Variants in SLC25A27 observed in about 807,000 individuals in gnomAD.
SLC25A27 encodes mitochondrial uncoupling protein 4.
In SLC25A27, 35 loss-of-function variants were observed where a neutral mutation model predicts 49.1. The ratio of observed to expected loss-of-function variants is 0.71; its 90% confidence interval spans 0.54 to 0.95. The LOEUF is 0.95. Ranked by LOEUF, SLC25A27 falls within the 40% of genes least tolerant of loss-of-function variation. The probability of loss-of-function intolerance (pLI) is 0.00; values close to 1 mark genes in which losing one functional copy is unlikely to be tolerated. For missense variants in SLC25A27, 339 were observed against 397.1 expected (o/e 0.85, Z 1.24); for synonymous variants, 144 against 136.9 (o/e 1.05, Z -0.36).
intron 1 of SLC25A27, among the ~76,000 whole-genome samples, chr6:46,655,535 G>GGTTTTTTTTTTT (rs1562033662): frequency 2.8e-4 from 3 of 10,710 alleles, no homozygotes; most frequent in Non-Finnish European, 6.1e-4. Context: ...GTTAATGTTT[G>GGTTTTTTTTTTT]TTTTTTTTTT....
At chr6:46,672,194 G>A (rs1369116355) in intron 8 of SLC25A27, among the ~76,000 whole-genome samples, 1 of 152,100 alleles carries the variant, frequency 6.6e-6, no homozygotes, top group African/African-American at 2.4e-5. Flanking sequence ...GACTTAGCCA[G>A]GAAAGAGGGC....
intron 3 of SLC25A27, among the ~76,000 whole-genome samples, chr6:46,659,814 T>G (rs1235069489): frequency 6.6e-6 from 1 of 151,434 alleles, no homozygotes; most frequent in Admixed American, 6.6e-5. Context: ...GAGATTGCAC[T>G]GTTGCATTCC....
intron 6 of SLC25A27, 66 bp downstream of exon 6, chr6:46,668,859 T>C: frequency 1.1e-6 from 1 of 923,038 alleles, no homozygotes; most frequent in Non-Finnish European, 1.8e-6. Context: ...ATATTTGACA[T>C]AAATTCTTTA....
intron 1 of SLC25A27, chr6:46,653,680 C>A (rs762618735): frequency 4.9e-5 from 48 of 985,146 alleles, no homozygotes; most frequent in Non-Finnish European, 5.4e-5. Flanking sequence ...TCTTACACAG[C>A]CACACTGTCA....
At chr6:46,655,795 G>A (rs749768981) in intron 1 of SLC25A27, 48 bp from the exon 2 acceptor site, 7 of 1,536,566 alleles carry the variant, frequency 4.6e-6, no homozygotes, top group East Asian at 2.3e-5. Context: ...ATTTTTGTTT[G>A]TTTCTCTGAA....
chr6:46,658,173 C>T lies in SLC25A27; in HGVS notation c.299-789C>T, dbSNP rs377473292. ...TCAATTCTCCATATGAGTAAGTTAG[C>T]GTGTATCATCAAAAACTATCTAGAA... On this transcript the variant is annotated intron_variant, in intron 2 of 8. Coordinates refer to ENST00000371347, the MANE Select transcript of SLC25A27 (RefSeq NM_004277.5). Among the ~76,000 whole-genome samples the T allele has an allele frequency of 7.2e-5, 11 of 152,206 alleles. No homozygotes were observed. In the South Asian group the frequency reaches 1.9e-3, roughly 26 times the overall value.
rs1762965973 is a variant in SLC25A27, at chr6:46,655,991, A to G, written c.255A>G (p.Leu85=). 2.5e-6 allele frequency: 4 copies of G among 1,612,516 alleles called. No individual in the cohort carries two copies. In the African/African-American group the frequency reaches 5.3e-5, roughly 22 times the overall value. Residue 85 remains leucine (L), a synonymous_variant, in exon 2 of 9, where the codon CTA becomes CTG. Transcript: ENST00000371347. ...GGATCATTGAAGAGGAAGGCTTTCTAAAGCTTTGGCAAGGAGTGACACCCG... is the reference window on the plus strand; with the variant it reads ...GGATCATTGAAGAGGAAGGCTTTCTGAAGCTTTGGCAAGGAGTGACACCCG... ...ALGIIEEEGF[L]KLWQGVTPAI...
chr6:46,672,140 C>T (rs1763574619), intron 8 of SLC25A27, among the ~76,000 whole-genome samples: 1 of 152,076 alleles, frequency 6.6e-6, no homozygotes, highest in Non-Finnish European at 1.5e-5. Flanking sequence ...GAGTAAACCT[C>T]CCTGGAGAAT....
chr6:46,653,223 T>C lies in SLC25A27; in HGVS notation c.31T>C (p.Leu11=). The C allele has an allele frequency of 6.2e-7, 1 of 1,613,666 alleles. No individual in the cohort carries two copies. The highest frequency in any genetic ancestry group is 1.6e-4 in the Middle Eastern group (1 of 6,062). ...CGTCCCGGAGGAGGAGGAGAGGCTT[T>C]TGCCGCTGACCCAGAGATGGCCCCG... MSVPEEEERL[L]PLTQRWPRAS... is the part of the protein sequence containing the mutation. Residue 11 remains leucine (L), a synonymous_variant, in exon 1 of 9, where the codon TTG becomes CTG. Coordinates refer to ENST00000371347, the MANE Select transcript of SLC25A27 (RefSeq NM_004277.5).
At chr6:46,674,269 A>G (rs1021958527) in intron 8 of SLC25A27, among the ~76,000 whole-genome samples, 2 of 152,208 alleles carry the variant, frequency 1.3e-5, no homozygotes, top group African/African-American at 4.8e-5. Flanking sequence ...ACCTAGCAAA[A>G]CAAGCAGTAT....
At chr6:46,655,580 G>A (rs182376110) in intron 1 of SLC25A27, among the ~76,000 whole-genome samples, 86 of 85,078 alleles carry the variant, frequency 1.0e-3, no homozygotes, top group African/African-American at 3.1e-3. Context: ...TTTTGCTAGT[G>A]ATCCAGGATG....
In SLC25A27 at chr6:46,664,759, T is replaced by C. The variant is rs371496464; in HGVS notation, c.507-15T>C. On this transcript the variant is annotated splice_polypyrimidine_tract_variant and intron_variant, in intron 4 of 8. Transcript: ENST00000371347. ...AATACATGGAGTTTTCACATTTAAT[T>C]ATTATTCTCCTTAGATTTCGTGGTG... 14 of 1,462,718 alleles carry C rather than the reference T, an allele frequency of 9.6e-6. No homozygotes were observed. In the African/African-American group the frequency reaches 1.4e-4, roughly 15 times the overall value. 90.6% of individuals were successfully genotyped at this position (1,462,718 alleles called of 1,614,324 possible). A position where few individuals can be genotyped will look rare whatever the true frequency, so the allele number is the denominator to read the frequency against.
At chr6:46,667,519 A>G (rs547732386) in intron 5 of SLC25A27, among the ~76,000 whole-genome samples, 2 of 152,308 alleles carry the variant, frequency 1.3e-5, no homozygotes, top group South Asian at 4.1e-4. Flanking sequence ...TACTTCTTGC[A>G]TATTCTGCTG....
chr6:46,659,397 T>C (rs915952246), intron 3 of SLC25A27, among the ~76,000 whole-genome samples: 1 of 152,208 alleles, frequency 6.6e-6, no homozygotes, highest in Non-Finnish European at 1.5e-5. Context: ...CTGCTTCACC[T>C]TTTTTATCTT....
At chr6:46,671,680 G>A (rs1015256604) in intron 8 of SLC25A27, among the ~76,000 whole-genome samples, 4 of 151,924 alleles carry the variant, frequency 2.6e-5, no homozygotes, top group African/African-American at 9.7e-5. Flanking sequence ...TGCTTAGTAA[G>A]AAAATATTAT....
chr6:46,678,030 TTATATATATATATATATA>T lies in SLC25A27; in HGVS notation c.*1594_*1611del, dbSNP rs67622673. ...CAATATGTAATTGCGTTGTAAAATA[TTATATATATATATATATA>T]TATATATATATATATATGCTTAACT... On this transcript the variant is annotated 3_prime_UTR_variant, in exon 9 of 9. Coordinates refer to ENST00000371347, the MANE Select transcript of SLC25A27 (RefSeq NM_004277.5). 18 of 100,668 alleles carry T rather than the reference TTATATATATATATATATA, an allele frequency of 1.8e-4. 2 individuals carry two copies. The East Asian group carries it at 2.3e-3, about 13-fold the overall frequency. The allele number at this position is 100,668 out of a possible 1,614,324, so 6.2% of individuals were successfully genotyped here. A position where few individuals can be genotyped will look rare whatever the true frequency, so the allele number is the denominator to read the frequency against.
At chr6:46,659,403 A>G (rs761030501) in intron 3 of SLC25A27, among the ~76,000 whole-genome samples, 3 of 151,992 alleles carry the variant, frequency 2.0e-5, no homozygotes, top group Admixed American at 6.6e-5. Context: ...CACCTTTTTT[A>G]TCTTCAGTTT....
At chr6:46,669,550 G>A (rs998418598) in intron 6 of SLC25A27, among the ~76,000 whole-genome samples, 1 of 152,186 alleles carries the variant, frequency 6.6e-6, no homozygotes, top group Non-Finnish European at 1.5e-5. Context: ...GTGTAATAGT[G>A]TCAAGTCAAA....
chr6:46,669,824 A>G (rs1763459288), intron 6 of SLC25A27, among the ~76,000 whole-genome samples: 1 of 152,008 alleles, frequency 6.6e-6, no homozygotes, highest in African/African-American at 2.4e-5. Context: ...AGCTTCTGAA[A>G]TTATTTATTT....
Sources: allele counts gnomAD v4.1 joint callset (sites outside exome capture counted in the v4.1 genomes callset), GRCh38; gene constraint gnomAD v4.1.1; transcripts MANE v1.5; gene names NCBI Gene and HGNC (gene_info 2026-07-23, HGNC 2026-07-21).